GABRA5: variants seen among roughly 807,000 people sequenced by gnomAD.
The protein encoded by GABRA5 is gamma-aminobutyric acid receptor subunit alpha-5.
Under a neutral mutation model 47.3 loss-of-function variants are expected in GABRA5, and 18 were observed. That is an observed-to-expected ratio of 0.38 (90% CI 0.26 to 0.56). GABRA5 has a LOEUF of 0.56. Ranked by LOEUF, GABRA5 falls within the 20% of genes least tolerant of loss-of-function variation. The probability of loss-of-function intolerance (pLI) is 0.71; values close to 1 mark genes in which losing one functional copy is unlikely to be tolerated. For missense variants in GABRA5, 365 were observed against 599.3 expected (o/e 0.61, Z 4.08); for synonymous variants, 237 against 229.3 (o/e 1.03, Z -0.30).
chr15:26,868,606 G>C (rs1424373178), intron 1 of GABRA5, 123 bp from the exon 2 acceptor site: 1 of 152,490 alleles, frequency 6.6e-6, no homozygotes, highest in Middle Eastern at 3.2e-3. Context: ...ATGTAGTCAC[G>C]GGGACCGAAT....
At chr15:26,937,463 G>T in intron 8 of GABRA5, 135 bp downstream of exon 8, 1 of 908,614 alleles carries the variant, frequency 1.1e-6, no homozygotes, top group South Asian at 1.8e-5. Flanking sequence ...ACCTGTCCTG[G>T]CCAGCTGTGC....
At position 26,885,716 on chromosome 15, in the gene GABRA5, C is replaced by T. The variant is rs115586450; in HGVS notation, c.497+2159C>T. ...CAAGGGTTGAGAATAAGTCCTTAGC[C>T]ATCAGTCCATGGAAAAAGGAAGGGT... is the stretch of plus-strand genomic sequence containing the variant. On this transcript the variant is annotated intron_variant, in intron 6 of 10. Coordinates refer to ENST00000335625, the MANE Select transcript of GABRA5 (RefSeq NM_000810.4). Among the ~76,000 whole-genome samples, 872 of 152,224 alleles carry T rather than the reference C, an allele frequency of 5.7e-3. 12 individuals are homozygous for T. Among genetic ancestry groups the T allele is most frequent in the African/African-American group, 0.02 (844 of 41,530 alleles).
intron 6 of GABRA5, among the ~76,000 whole-genome samples, chr15:26,911,396 CAA>C (rs1253964407): frequency 0.068 from 8,644 of 127,614 alleles, 312 homozygotes; most frequent in African/African-American, 0.11. Context: ...CACACACACA[CAA>C]ACACACACAC....
intron 7 of GABRA5, among the ~76,000 whole-genome samples, chr15:26,916,786 C>T (rs1034850117): frequency 2.6e-5 from 4 of 151,862 alleles, no homozygotes; most frequent in Non-Finnish European, 5.9e-5. Context: ...GATTTTTCAT[C>T]TCCTTGGTTA....
intron 6 of GABRA5, among the ~76,000 whole-genome samples, chr15:26,903,991 T>C (rs1893385019): frequency 6.6e-6 from 1 of 152,126 alleles, no homozygotes; most frequent in South Asian, 2.1e-4. Context: ...TGTTCATTTT[T>C]GCTTTTTGTT....
intron 6 of GABRA5, among the ~76,000 whole-genome samples, chr15:26,912,739 C>A (rs1373159855): frequency 6.6e-6 from 1 of 152,052 alleles, no homozygotes; most frequent in Non-Finnish European, 1.5e-5. Flanking sequence ...TAGGTATAAA[C>A]AAGACTGACT....
intron 6 of GABRA5, among the ~76,000 whole-genome samples, chr15:26,911,371 GCACACACA>G (rs111798012): frequency 6.8e-5 from 8 of 118,304 alleles, no homozygotes; most frequent in East Asian, 5.5e-4. Context: ...CTTGCTGCAT[GCACACACA>G]CACACACACA....
rs940179641 is a variant in GABRA5 at position 26,882,304 on chromosome 15, C to T, written c.209-862C>T. ...TGGGGCTGGCATCTCAGTGAGGAGA[C>T]AGGCACACTGCATCATACAACACAC... On this transcript the variant is annotated intron_variant, in intron 4 of 10. Coordinates refer to ENST00000335625, the MANE Select transcript of GABRA5 (RefSeq NM_000810.4). 6.6e-5 allele frequency among the ~76,000 whole-genome samples: 10 copies of T among 152,286 alleles called. No individual in the cohort carries two copies. In the East Asian group the frequency reaches 1.4e-3, roughly 21 times the overall value.
chr15:26,908,378 T>C lies in GABRA5; in HGVS notation c.498-6425T>C, dbSNP rs1017536990. ...ACCAGCAGCATCCCTACTGGTGTGC[T>C]GAATAAGCCCTGCACAGACTTGCAG... On this transcript the variant is annotated intron_variant, in intron 6 of 10. Transcript: ENST00000335625. Among the ~76,000 whole-genome samples the C allele has an allele frequency of 2.6e-5, 4 of 152,104 alleles. No individual in the cohort carries two copies. In the East Asian group the frequency reaches 7.7e-4, roughly 29 times the overall value.
At chr15:26,909,937 C>T (rs920298101) in intron 6 of GABRA5, among the ~76,000 whole-genome samples, 3 of 152,148 alleles carry the variant, frequency 2.0e-5, no homozygotes, top group South Asian at 2.1e-4. Flanking sequence ...AGGAAGGCTT[C>T]GATTTGAAGA....
At chr15:26,937,371 C>T in intron 8 of GABRA5, 43 bp downstream of exon 8, 1 of 1,556,176 alleles carries the variant, frequency 6.4e-7, no homozygotes, top group Non-Finnish European at 8.7e-7. Context: ...GCACTCAGGA[C>T]ACCACACCCT....
intron 7 of GABRA5, among the ~76,000 whole-genome samples, chr15:26,920,280 A>G (rs1893813173): frequency 6.6e-6 from 1 of 151,556 alleles, no homozygotes; most frequent in African/African-American, 2.4e-5. Flanking sequence ...AAGTCTCTTA[A>G]GCTTTCTTTT....
At chr15:26,880,777 C>T in intron 3 of GABRA5, 69 bp from the exon 4 acceptor site, 4 of 1,545,608 alleles carry the variant, frequency 2.6e-6, no homozygotes, top group South Asian at 2.4e-5. Flanking sequence ...TCCCTGGTTT[C>T]TGTATCTTGA....
At chr15:26,944,650 C>T (rs1437905330) in intron 10 of GABRA5, among the ~76,000 whole-genome samples, 2 of 152,228 alleles carry the variant, frequency 1.3e-5, no homozygotes, top group African/African-American at 4.8e-5. Flanking sequence ...CACGTTTGAA[C>T]TTGTTCCTGC....
intron 10 of GABRA5, among the ~76,000 whole-genome samples, chr15:26,946,288 G>A (rs1203932778): frequency 6.6e-6 from 1 of 151,930 alleles, no homozygotes; most frequent in Non-Finnish European, 1.5e-5. Flanking sequence ...ACATTTTATT[G>A]TGCACATTTT....
intron 7 of GABRA5, among the ~76,000 whole-genome samples, chr15:26,916,274 T>C (rs1000672653): frequency 3.3e-5 from 5 of 152,314 alleles, no homozygotes; most frequent in Admixed American, 1.3e-4. Context: ...TTTACACTTA[T>C]TGTTTCAGTT....
In GABRA5 at chr15:26,948,106, G is replaced by A; in HGVS notation, c.1262G>A (p.Ser421Asn). The A allele has an allele frequency of 6.2e-7, 1 of 1,612,900 alleles. No homozygotes were observed. The highest frequency in any genetic ancestry group is 8.5e-7 in the Non-Finnish European group (1 of 1,179,440). ...TCTGAAAGCAAAAAGACTTACAACAGTATCAGCAAAATTGACAAAATGTCC... is the reference window on the plus strand; with the variant it reads ...TCTGAAAGCAAAAAGACTTACAACAATATCAGCAAAATTGACAAAATGTCC... ...KTSESKKTYN[S>N]ISKIDKMSRI... Residue 421 changes from serine to asparagine, a missense_variant, in exon 11 of 11, where the codon AGT becomes AAT. Transcript: ENST00000335625.
In GABRA5 at chr15:26,937,173, C is replaced by T; in HGVS notation, c.581-12C>T. On this transcript the variant is annotated splice_polypyrimidine_tract_variant and intron_variant, in intron 7 of 10. Transcript: ENST00000335625. ...TCATGTTTATGTCACTTTCTGCCCC[C>T]TCCTCATACAGATGCGTACCCTAAT... is the stretch of plus-strand genomic sequence containing the variant. 1 of 1,613,776 alleles carries T rather than the reference C, an allele frequency of 6.2e-7. No individual in the cohort carries two copies. The highest frequency in any genetic ancestry group is 1.1e-5 in the South Asian group (1 of 91,074).
intron 6 of GABRA5, among the ~76,000 whole-genome samples, chr15:26,904,690 AG>A (rs1893402053): frequency 6.6e-6 from 1 of 152,024 alleles, no homozygotes; most frequent in Non-Finnish European, 1.5e-5. Flanking sequence ...CTCCTGGGTG[AG>A]CTGTATTCCT....
Sources: allele counts gnomAD v4.1 joint callset (sites outside exome capture counted in the v4.1 genomes callset), GRCh38; gene constraint gnomAD v4.1.1; transcripts MANE v1.5; gene names NCBI Gene and HGNC (gene_info 2026-07-23, HGNC 2026-07-21).